Variants in PATJ observed in about 807,000 individuals in gnomAD.
The protein encoded by PATJ is inaD-like protein.
Under a neutral mutation model 224.9 loss-of-function variants are expected in PATJ, and 190 were observed. That is an observed-to-expected ratio of 0.84 (90% CI 0.75 to 0.95). The LOEUF (loss-of-function observed/expected upper bound fraction) is 0.95, where lower values mean the gene tolerates loss of function less well. PATJ is among the 40% of genes least tolerant of loss of function. The pLI is 0.00. For missense variants in PATJ, 2,121 were observed against 2,270.3 expected, an observed-to-expected ratio of 0.93 and a Z score of 1.34; for synonymous variants, 769 against 820.3, an observed-to-expected ratio of 0.94 and a Z score of 1.07.
chr1:62,001,546 T>C (rs1355552935), intron 28 of PATJ, among the ~76,000 whole-genome samples: 1 of 151,096 alleles, frequency 6.6e-6, no homozygotes, highest in Non-Finnish European at 1.5e-5. Context: ...TCCATTGATC[T>C]ATATCTCTGT....
intron 14 of PATJ, chr1:61,816,349 C>G (rs1656103823): frequency 1.3e-5 from 2 of 152,032 alleles, no homozygotes; most frequent in Non-Finnish European, 2.9e-5. Context: ...ACTTGACTGT[C>G]AGGCAGTAAA....
At chr1:61,978,636 C>G (rs1179924083) in intron 27 of PATJ, among the ~76,000 whole-genome samples, 1 of 151,982 alleles carries the variant, frequency 6.6e-6, no homozygotes, top group Admixed American at 6.5e-5. Flanking sequence ...AGTACTAACT[C>G]AGAGAATTAG....
intron 17 of PATJ, among the ~76,000 whole-genome samples, chr1:61,849,167 G>C (rs1409254088): frequency 6.6e-6 from 1 of 152,166 alleles, no homozygotes; most frequent in Non-Finnish European, 1.5e-5. Context: ...AGAGTTGATT[G>C]AAGTTGTTTT....
intron 31 of PATJ, among the ~76,000 whole-genome samples, chr1:62,069,133 T>C (rs1002626790): frequency 8.5e-5 from 13 of 152,328 alleles, no homozygotes; most frequent in African/African-American, 3.1e-4. Flanking sequence ...TGACCTGATA[T>C]TGGATCTAAA....
intron 31 of PATJ, among the ~76,000 whole-genome samples, chr1:62,069,857 C>T (rs769150057): frequency 3.0e-4 from 45 of 151,830 alleles, no homozygotes; most frequent in Non-Finnish European, 5.4e-4. Context: ...TTGCTCACAA[C>T]CCCTTATTCA....
intron 7 of PATJ, among the ~76,000 whole-genome samples, chr1:61,783,745 C>CTT (rs11372619): frequency 0.011 from 1,273 of 117,822 alleles, 56 homozygotes; most frequent in East Asian, 0.025. Flanking sequence ...AGAGTTGCTA[C>CTT]TTTTTTTTTT....
intron 24 of PATJ, among the ~76,000 whole-genome samples, chr1:61,905,978 A>G (rs1671803203): frequency 6.6e-6 from 1 of 152,194 alleles, no homozygotes; most frequent in African/African-American, 2.4e-5. Context: ...TCACACAGTT[A>G]AGGGCTTGGT....
At chr1:61,933,519 G>T (rs143811567) in intron 27 of PATJ, among the ~76,000 whole-genome samples, 1 of 142,638 alleles carries the variant, frequency 7.0e-6, no homozygotes, top group Non-Finnish European at 1.5e-5. Flanking sequence ...CCACCCTGGC[G>T]ACAGAGTGAG....
chr1:61,965,386 G>C (rs1277225295), intron 27 of PATJ, among the ~76,000 whole-genome samples: 1 of 152,068 alleles, frequency 6.6e-6, no homozygotes, highest in Non-Finnish European at 1.5e-5. Flanking sequence ...ATTAGGGTCA[G>C]TAGATGTTAT....
intron 1 of PATJ, 107 bp from the exon 2 acceptor site, chr1:61,762,751 T>G: frequency 1.9e-6 from 1 of 527,762 alleles, no homozygotes. Flanking sequence ...TTTCACTGAG[T>G]GGAGCCTTGA....
At chr1:61,889,177 A>G (rs1669255788) in intron 22 of PATJ, among the ~76,000 whole-genome samples, 1 of 152,198 alleles carries the variant, frequency 6.6e-6, no homozygotes, top group Non-Finnish European at 1.5e-5. Context: ...TCTTCCTTGC[A>G]TTAATTTTTG....
At chr1:61,957,299 T>C (rs774938152) in intron 27 of PATJ, among the ~76,000 whole-genome samples, 22 of 152,212 alleles carry the variant, frequency 1.4e-4, no homozygotes, top group Admixed American at 6.5e-5. Flanking sequence ...AGGTTCTTTT[T>C]ATGGGCTGCA....
intron 29 of PATJ, 32 bp downstream of exon 29, chr1:62,017,979 A>T (rs1192658226): frequency 2.5e-6 from 3 of 1,194,494 alleles, no homozygotes; most frequent in Non-Finnish European, 3.8e-6. Flanking sequence ...TTGCAAAATC[A>T]AAGACCTCTT....
At chr1:62,000,616 G>A (rs530427233) in intron 28 of PATJ, among the ~76,000 whole-genome samples, 41 of 150,958 alleles carry the variant, frequency 2.7e-4, no homozygotes, top group Middle Eastern at 3.4e-3. Flanking sequence ...ATTTGGGTTG[G>A]TTCCAAGTCT....
rs1669819226 is a variant in PATJ at position 62,161,329 on chromosome 1, T to A, written c.*275T>A. On this transcript the variant is annotated 3_prime_UTR_variant, in exon 44 of 44. Coordinates refer to ENST00000642238, the MANE Select transcript of PATJ (RefSeq NM_001350145.3). Reference sequence around the variant, plus strand: ...TTGCATTTAATTTCAGTGTTCCGATTTCTTTTTTTTTTTTTTTTTTTTTTT... The same window carrying A: ...TTGCATTTAATTTCAGTGTTCCGATATCTTTTTTTTTTTTTTTTTTTTTTT... 5.6e-6 allele frequency: 1 copy of A among 177,208 alleles called. No individual in the cohort carries two copies. The highest frequency in any genetic ancestry group is 1.0e-5 in the Non-Finnish European group (1 of 99,734). 11.0% of individuals were successfully genotyped at this position (177,208 alleles called of 1,614,324 possible).
intron 27 of PATJ, among the ~76,000 whole-genome samples, chr1:61,943,919 C>G (rs758049705): frequency 6.6e-6 from 1 of 151,660 alleles, no homozygotes; most frequent in Non-Finnish European, 1.5e-5. Context: ...CAACATCTGC[C>G]GTTCTGCAGC....
chr1:61,751,861 G>A (rs567284577), intron 1 of PATJ, among the ~76,000 whole-genome samples: 11 of 151,674 alleles, frequency 7.3e-5, no homozygotes, highest in Admixed American at 3.9e-4. Context: ...AAAAAAGGCC[G>A]GGCGTGGTGG....
intron 33 of PATJ, among the ~76,000 whole-genome samples, chr1:62,097,791 A>G (rs971210504): frequency 6.6e-6 from 1 of 152,200 alleles, no homozygotes; most frequent in African/African-American, 2.4e-5. Flanking sequence ...TCCAGCCTCC[A>G]TAGCTTTTAT....
rs376412408 is a variant in PATJ, at chr1:61,818,067, A to G, written c.1684-4878A>G. Among the ~76,000 whole-genome samples the G allele has an allele frequency of 3.3e-5, 5 of 152,262 alleles. No homozygotes were observed. In the South Asian group the frequency reaches 1.0e-3, roughly 32 times the overall value. On this transcript the variant is annotated intron_variant, in intron 14 of 43. Coordinates refer to ENST00000642238, the MANE Select transcript of PATJ (RefSeq NM_001350145.3). ...AGCAATATCATTTATATTCCCGCTTAAGCATTTTGATATCCTGTTATAGTA... is the reference window on the plus strand; with the variant it reads ...AGCAATATCATTTATATTCCCGCTTGAGCATTTTGATATCCTGTTATAGTA...
Sources: gnomAD v4.1 joint callset for allele counts (sites outside exome capture counted in the v4.1 genomes callset) on GRCh38, gnomAD v4.1.1 for gene constraint, MANE v1.5 for transcripts, NCBI Gene and HGNC (gene_info 2026-07-23, HGNC 2026-07-21) for gene names.